Variants in G2E3 observed in about 807,000 individuals in gnomAD.
G2E3 encodes the protein G2/M phase-specific E3 ubiquitin-protein ligase.
A neutral mutation model predicts 92.8 loss-of-function variants in G2E3; 35 were observed. That is an observed-to-expected ratio of 0.38 (90% CI 0.29 to 0.50). The LOEUF (loss-of-function observed/expected upper bound fraction) is 0.50. Ranked by LOEUF, G2E3 falls within the 20% of genes least tolerant of loss-of-function variation. The pLI, the probability that G2E3 is intolerant of heterozygous loss-of-function variation, is 0.94. For synonymous variants in G2E3, 242 were observed against 272.4 expected, an observed-to-expected ratio of 0.89 and a Z score of 1.10; for missense variants, 554 against 823.8, an observed-to-expected ratio of 0.67 and a Z score of 4.01.
At chr14:30,587,027 T>G (rs1266695070) in intron 3 of G2E3, among the ~76,000 whole-genome samples, 2 of 152,048 alleles carry the variant, frequency 1.3e-5, no homozygotes, top group Admixed American at 6.6e-5. Flanking sequence ...TATTTCGTGT[T>G]TGTTTGTTTG....
intron 1 of G2E3, among the ~76,000 whole-genome samples, chr14:30,572,314 A>G (rs991998998): frequency 1.8e-4 from 27 of 152,290 alleles, no homozygotes; most frequent in Non-Finnish European, 2.9e-4. Context: ...TTTCCCTTGG[A>G]GTACACTGTT....
At chr14:30,571,203 C>A (rs1273698925) in intron 1 of G2E3, among the ~76,000 whole-genome samples, 2 of 146,620 alleles carry the variant, frequency 1.4e-5, no homozygotes, top group Non-Finnish European at 3.0e-5. Context: ...TTTTAATGTG[C>A]ATTTCCTTTA....
chr14:30,583,081 A>G (rs948146157), intron 2 of G2E3, among the ~76,000 whole-genome samples: 5 of 152,204 alleles, frequency 3.3e-5, no homozygotes, highest in Non-Finnish European at 7.3e-5. Context: ...GCATGGTTTA[A>G]GGAAGATGGA....
Position 30,619,678 on chromosome 14 carries a change from A to G in G2E3, c.*3144A>G, listed in dbSNP as rs1481298452. ...TTTTGACCATTATCTCTTCTAATTC[A>G]TAAACATATCCCAGTACCTACACTA... On this transcript the variant is annotated 3_prime_UTR_variant, in exon 15 of 15. Coordinates refer to ENST00000206595, the MANE Select transcript of G2E3 (RefSeq NM_017769.5). 6.6e-6 allele frequency: 1 copy of G among 152,176 alleles called. No homozygotes were observed. Among genetic ancestry groups the G allele is most frequent in the Non-Finnish European group, 1.5e-5 (1 of 68,004 alleles). 9.4% of individuals were successfully genotyped at this position (152,176 alleles called of 1,614,324 possible).
intron 4 of G2E3, among the ~76,000 whole-genome samples, chr14:30,590,250 A>G (rs1015044490): frequency 3.3e-5 from 5 of 152,176 alleles, no homozygotes; most frequent in Non-Finnish European, 7.4e-5. Flanking sequence ...TGGAGGGGAA[A>G]TGAAGGACAC....
At chr14:30,572,530 C>T (rs1008668269) in intron 1 of G2E3, among the ~76,000 whole-genome samples, 2 of 152,012 alleles carry the variant, frequency 1.3e-5, no homozygotes, top group African/African-American at 2.4e-5. Context: ...AGAAAATTCC[C>T]GTCTGTTTCT....
intron 12 of G2E3, among the ~76,000 whole-genome samples, chr14:30,609,705 G>T (rs1233044943): frequency 6.6e-6 from 1 of 152,134 alleles, no homozygotes; most frequent in African/African-American, 2.4e-5. Context: ...GATAAAAATA[G>T]TATTTTTCCC....
rs1881346437 is a variant in G2E3, at chr14:30,597,496, T to A, written c.605T>A (p.Met202Lys). ...AATAGTGACATCTTTCAGAAAGAGATGTTGAGAATGGGAATTCATATTCCT... is the reference window on the plus strand; with the variant it reads ...AATAGTGACATCTTTCAGAAAGAGAAGTTGAGAATGGGAATTCATATTCCT... ...CNNSDIFQKE[M>K]LRMGIHIPEK... Residue 202 changes from methionine to lysine, a missense_variant, in exon 7 of 15, where the codon ATG (methionine) becomes AAG (lysine). Coordinates refer to ENST00000206595, the MANE Select transcript of G2E3 (RefSeq NM_017769.5). 1 of 1,558,368 alleles carries A rather than the reference T, an allele frequency of 6.4e-7. No individual in the cohort carries two copies. The highest frequency in any genetic ancestry group is 8.9e-7 in the Non-Finnish European group (1 of 1,129,360).
chr14:30,606,898 A>G (rs185047336), intron 11 of G2E3, among the ~76,000 whole-genome samples: 2 of 152,154 alleles, frequency 1.3e-5, no homozygotes, highest in African/African-American at 4.8e-5. Flanking sequence ...TACTGTTGGG[A>G]GTAAACTTGT....
chr14:30,618,629 G>A lies in G2E3; in HGVS notation c.*2095G>A, dbSNP rs1227800651. 6.6e-6 allele frequency: 1 copy of A among 152,016 alleles called. No homozygotes were observed. Among genetic ancestry groups the A allele is most frequent in the Non-Finnish European group, 1.5e-5 (1 of 67,932 alleles). The allele number at this position is 152,016 out of a possible 1,614,324, so 9.4% of individuals were successfully genotyped here. On this transcript the variant is annotated 3_prime_UTR_variant, in exon 15 of 15. Coordinates refer to ENST00000206595, the MANE Select transcript of G2E3 (RefSeq NM_017769.5). The stretch of plus-strand genomic sequence containing the variant: ...GACAGGGCCTTAGTGATAAGATGGT[G>A]TAAATAATTTAGGATATTCATGTTT...
chr14:30,590,682 A>AT, intron 4 of G2E3: 1 of 455,920 alleles, frequency 2.2e-6, no homozygotes, highest in Non-Finnish European at 4.4e-6. Context: ...AGTTAATGGT[A>AT]AAAACAGAGG....
At chr14:30,609,488 T>C (rs943742680) in intron 12 of G2E3, among the ~76,000 whole-genome samples, 1 of 152,202 alleles carries the variant, frequency 6.6e-6, no homozygotes, top group African/African-American at 2.4e-5. Flanking sequence ...TGATTCTCTC[T>C]TCTTTAATGC....
intron 8 of G2E3, among the ~76,000 whole-genome samples, chr14:30,599,104 T>C (rs1294858624): frequency 6.6e-6 from 1 of 152,206 alleles, no homozygotes; most frequent in East Asian, 1.9e-4. Flanking sequence ...AGCTATGTCC[T>C]CACACGAGTT....
intron 10 of G2E3, among the ~76,000 whole-genome samples, chr14:30,604,198 T>A (rs1040603702): frequency 6.6e-6 from 1 of 152,228 alleles, no homozygotes. Flanking sequence ...GGAATCAACC[T>A]GCTATAAAAA....
At chr14:30,612,628 C>T (rs1391021929) in intron 13 of G2E3, among the ~76,000 whole-genome samples, 1 of 152,100 alleles carries the variant, frequency 6.6e-6, no homozygotes, top group Admixed American at 6.5e-5. Context: ...GAGGCTGGGG[C>T]AGGCAGATCA....
At chr14:30,606,538 TAAAG>T (rs529462073) in intron 11 of G2E3, among the ~76,000 whole-genome samples, 6 of 152,044 alleles carry the variant, frequency 3.9e-5, no homozygotes, top group African/African-American at 4.8e-5. Flanking sequence ...AATGTAAAAA[TAAAG>T]AAAAAACTTT....
At chr14:30,585,134 A>G (rs77810288) in intron 2 of G2E3, among the ~76,000 whole-genome samples, 4,222 of 152,170 alleles carry the variant, frequency 0.028, 95 homozygotes, top group Non-Finnish European at 0.048. Context: ...GTACCCAGAC[A>G]ATAGTGTCCT....
At chr14:30,565,384 A>G (rs572782289) in intron 1 of G2E3, among the ~76,000 whole-genome samples, 1 of 152,258 alleles carries the variant, frequency 6.6e-6, no homozygotes, top group East Asian at 1.9e-4. Flanking sequence ...TTTTCAGGTT[A>G]TATGATTTCT....
At chr14:30,566,247 G>A (rs916751792) in intron 1 of G2E3, among the ~76,000 whole-genome samples, 3 of 152,080 alleles carry the variant, frequency 2.0e-5, no homozygotes, top group African/African-American at 7.2e-5. Flanking sequence ...AGGATCCCTT[G>A]CAGTTTAGGC....
Sources: allele counts gnomAD v4.1 joint callset (sites outside exome capture counted in the v4.1 genomes callset), GRCh38; gene constraint gnomAD v4.1.1; transcripts MANE v1.5; gene names NCBI Gene and HGNC (gene_info 2026-07-23, HGNC 2026-07-21).